The following CLIC5 variants were observed in gnomAD, a reference collection of about 807,000 sequenced individuals.
CLIC5 encodes the protein chloride intracellular channel protein 5.
CLIC5 carries 20 observed loss-of-function variants against 24.7 expected under a neutral mutation model. The observed-to-expected ratio is 0.81, with a 90% CI of 0.57 to 1.18. The LOEUF is 1.18. CLIC5 is among the 50% of genes most tolerant of loss of function. The probability of loss-of-function intolerance (pLI) is 0.00; values close to 1 mark genes in which losing one functional copy is unlikely to be tolerated. For missense variants in CLIC5, 341 were observed against 326.1 expected, an observed-to-expected ratio of 1.05 and a Z score of -0.35; for synonymous variants, 159 against 135.6, an observed-to-expected ratio of 1.17 and a Z score of -1.20.
chr6:45,887,553 T>C (rs998143270), intron 6 of CLIC5, among the ~76,000 whole-genome samples: 6 of 152,108 alleles, frequency 3.9e-5, no homozygotes, highest in Non-Finnish European at 7.4e-5. Flanking sequence ...TTCTGAGCTT[T>C]ATATCTCAAG....
rs70996361 is a variant in CLIC5 at position 46,061,181 on chromosome 6, TTTTG to T, written c.540+18518_540+18521del. ...CACCTTTATAGATTTTTGTTTTTGTTTTTGTTTGTTTGTTTGTTTGTTTGTTTTA... is the reference window on the plus strand; with the variant it reads ...CACCTTTATAGATTTTTGTTTTTGTTTTTGTTTGTTTGTTTGTTTGTTTTA... On this transcript the variant is annotated intron_variant, in intron 1 of 5. Coordinates refer to the CLIC5 transcript ENST00000185206. Among the ~76,000 whole-genome samples, 199 of 152,030 alleles carry T rather than the reference TTTTG, an allele frequency of 1.3e-3. No individual in the cohort carries two copies. The East Asian group carries it at 0.016, about 12-fold the overall frequency.
chr6:46,001,039 C>T (rs1002101905), intron 1 of CLIC5, among the ~76,000 whole-genome samples: 4 of 152,224 alleles, frequency 2.6e-5, no homozygotes, highest in Non-Finnish European at 5.9e-5. Context: ...TTTTCTCCCA[C>T]TCTGGAATGA....
intron 6 of CLIC5, among the ~76,000 whole-genome samples, chr6:45,892,959 C>G (rs1455195182): frequency 6.6e-6 from 1 of 152,122 alleles, no homozygotes; most frequent in Non-Finnish European, 1.5e-5. Context: ...AAAATAGTCT[C>G]CAGTGGGCAG....
At chr6:46,027,506 T>A (rs747239622) in intron 1 of CLIC5, among the ~76,000 whole-genome samples, 13 of 152,232 alleles carry the variant, frequency 8.5e-5, no homozygotes, top group Non-Finnish European at 1.2e-4. Context: ...CTTTGTAGTT[T>A]CAATACATCG....
At chr6:46,033,734 T>C (rs1767576225) in intron 1 of CLIC5, among the ~76,000 whole-genome samples, 1 of 152,254 alleles carries the variant, frequency 6.6e-6, no homozygotes, top group Non-Finnish European at 1.5e-5. Flanking sequence ...GAGGAATTTA[T>C]CTCTAGATTT....
chr6:45,978,762 C>T (rs1184700022), intron 1 of CLIC5, among the ~76,000 whole-genome samples: 1 of 152,006 alleles, frequency 6.6e-6, no homozygotes, highest in Non-Finnish European at 1.5e-5. Context: ...TCCAGCTGAC[C>T]CACATAGTGA....
At chr6:46,050,866 T>TGA (rs1768083842) in intron 1 of CLIC5, among the ~76,000 whole-genome samples, 1 of 151,720 alleles carries the variant, frequency 6.6e-6, no homozygotes, top group African/African-American at 2.4e-5. Context: ...TGTGTGTGTG[T>TGA]GTGTGTGTGT....
the CLIC5 span, among the ~76,000 whole-genome samples, chr6:46,112,065 G>A: frequency 1.9e-5 from 2 of 106,218 alleles, no homozygotes; most frequent in African/African-American, 6.6e-5. Context: ...GAAAACAGAC[G>A]AATACATAAG....
At chr6:45,937,717 G>A (rs1446852998) in intron 4 of CLIC5, 1 of 152,200 alleles carries the variant, frequency 6.6e-6, no homozygotes, top group Non-Finnish European at 1.5e-5. Flanking sequence ...GAATGAATCA[G>A]TGAATGACTG....
intron 1 of CLIC5, among the ~76,000 whole-genome samples, chr6:45,992,148 A>G (rs1183543788): frequency 1.3e-5 from 2 of 152,332 alleles, no homozygotes; most frequent in South Asian, 2.1e-4. Context: ...CTTCAATGGT[A>G]TCAGGTGCTC....
intron 4 of CLIC5, among the ~76,000 whole-genome samples, chr6:45,916,587 C>T (rs1763040327): frequency 6.6e-6 from 1 of 152,178 alleles, no homozygotes; most frequent in South Asian, 2.1e-4. Context: ...ATTGCAGGTT[C>T]TAATCTCAAA....
intron 1 of CLIC5, among the ~76,000 whole-genome samples, chr6:46,056,568 G>T (rs1009811383): frequency 6.6e-6 from 1 of 152,160 alleles, no homozygotes; most frequent in Non-Finnish European, 1.5e-5. Context: ...TCCCTGTTCA[G>T]TGATGCCATA....
At chr6:46,082,922 C>T (rs918208560), upstream of CLIC5, among the ~76,000 whole-genome samples, 9 of 152,094 alleles carry the variant, frequency 5.9e-5, no homozygotes, top group East Asian at 1.9e-4. Context: ...TATATGGCGG[C>T]GAATCTCTGT....
At chr6:46,092,195 C>A in the CLIC5 span, among the ~76,000 whole-genome samples, 1 of 152,144 alleles carries the variant, frequency 6.6e-6, no homozygotes, top group Non-Finnish European at 1.5e-5. Context: ...GTCAGGCAGA[C>A]AATAAGCAGA....
chr6:45,981,311 T>G (rs1296217295), intron 1 of CLIC5, among the ~76,000 whole-genome samples: 1 of 151,962 alleles, frequency 6.6e-6, no homozygotes, highest in Admixed American at 6.6e-5. Context: ...ACGTGCTTAC[T>G]AGATGAGTAG....
chr6:45,972,117 T>C (rs1429534142), intron 1 of CLIC5, among the ~76,000 whole-genome samples: 1 of 152,192 alleles, frequency 6.6e-6, no homozygotes, highest in Admixed American at 6.5e-5. Context: ...AAATTTAACA[T>C]AAGTAGAGTA....
rs2297834 is a variant in CLIC5, at chr6:45,902,411, G to A, written c.*677C>T. On this transcript the variant is annotated 3_prime_UTR_variant, in exon 6 of 6. Transcript: ENST00000339561. ...TTTCCTTTTCTGGCAGGGCCTGGACGGCATGGAAGCCAGGGACAGCATGGG... is the reference window on the plus strand; with the variant it reads ...TTTCCTTTTCTGGCAGGGCCTGGACAGCATGGAAGCCAGGGACAGCATGGG... The A allele has an allele frequency of 0.12, 19,091 of 152,942 alleles. 1,943 individuals are homozygous for A. The highest frequency in any genetic ancestry group is 0.27 in the African/African-American group (11,385 of 41,494). 9.5% of individuals were successfully genotyped at this position (152,942 alleles called of 1,614,324 possible).
At chr6:46,051,761 CA>C (rs1768109304) in intron 1 of CLIC5, among the ~76,000 whole-genome samples, 1 of 152,114 alleles carries the variant, frequency 6.6e-6, no homozygotes, top group African/African-American at 2.4e-5. Context: ...TTTTGATGCT[CA>C]AAACTACCTC....
At chr6:46,086,235 C>T in the CLIC5 span, among the ~76,000 whole-genome samples, 15 of 152,344 alleles carry the variant, frequency 9.8e-5, no homozygotes, top group African/African-American at 2.6e-4. Flanking sequence ...GGCTCGTGCA[C>T]GGTGCACTGC....
Sources: gnomAD v4.1 joint callset for allele counts (sites outside exome capture counted in the v4.1 genomes callset) on GRCh38, gnomAD v4.1.1 for gene constraint, MANE v1.5 for transcripts, NCBI Gene and HGNC (gene_info 2026-07-23, HGNC 2026-07-21) for gene names.